Variants in FRY observed in about 807,000 individuals in gnomAD.
The protein encoded by FRY is FRY microtubule binding protein.
A neutral mutation model predicts 348.4 loss-of-function variants in FRY; 128 were observed. The observed-to-expected ratio is 0.37, with a 90% CI of 0.32 to 0.43. The LOEUF (loss-of-function observed/expected upper bound fraction) is 0.43. Ranked by LOEUF, FRY falls within the 20% of genes least tolerant of loss-of-function variation. The pLI, the probability that FRY is intolerant of heterozygous loss-of-function variation, is 1.00. For missense variants in FRY, 2,736 were observed against 3,695.2 expected (o/e 0.74, Z 6.73); for synonymous variants, 1,370 against 1,374.7 (o/e 1.00, Z 0.08).
At chr13:32,153,834 G>C (rs902668933) in intron 14 of FRY, among the ~76,000 whole-genome samples, 2 of 152,076 alleles carry the variant, frequency 1.3e-5, no homozygotes, top group Non-Finnish European at 2.9e-5. Context: ...TTTACAGAAA[G>C]GAAGCAGATA....
Position 32,210,983 on chromosome 13 carries a change from C to T in FRY, c.4540C>T (p.Pro1514Ser), listed in dbSNP as rs749769185. 1.1e-5 allele frequency: 18 copies of T among 1,613,896 alleles called. No individual in the cohort carries two copies. Among genetic ancestry groups the T allele is most frequent in the African/African-American group, 2.7e-5 (2 of 74,938 alleles). The change falls in exon 34 of 61, where the codon CCG (proline) becomes TCG (serine). Residue 1514 changes from proline to serine, a missense_variant. This residue lies in a region of FRY where 794 missense variants were observed against 977.0 expected (regional missense o/e 0.81). Transcript: ENST00000542859. The stretch of plus-strand genomic sequence containing the variant: ...CCCCATCGTCCAGCATTGTGACAAC[C>T]CGCCCTTCTACCGCTTCACGGCCAG... ...VNPIVQHCDN[P>S]PFYRFTASSK...
chr13:32,179,879 CTG>C, intron 23 of FRY, 80 bp downstream of exon 23: 1 of 1,409,100 alleles, frequency 7.1e-7, no homozygotes, highest in Non-Finnish European at 1.0e-6. Flanking sequence ...AGATTTGAGT[CTG>C]TGTGTTGGCG....
rs1177766181 is a variant in FRY, at chr13:32,295,866, T to A, written c.*406T>A. 5.5e-6 allele frequency: 1 copy of A among 182,172 alleles called. No individual in the cohort carries two copies. Among genetic ancestry groups the A allele is most frequent in the Non-Finnish European group, 1.2e-5 (1 of 86,060 alleles). The allele number at this position is 182,172 out of a possible 1,614,324, so 11.3% of individuals were successfully genotyped here. Reference sequence around the variant, plus strand: ...ATTTTATATTCTCAAACATGTATATTCTTTCCCTGTCTTGTTCCATTTTCT... The same window carrying A: ...ATTTTATATTCTCAAACATGTATATACTTTCCCTGTCTTGTTCCATTTTCT... On this transcript the variant is annotated 3_prime_UTR_variant, in exon 61 of 61. Coordinates refer to ENST00000542859, the MANE Select transcript of FRY (RefSeq NM_023037.3).
chr13:32,244,076 C>T lies in FRY; in HGVS notation c.6722C>T (p.Pro2241Leu). 6.2e-7 allele frequency: 1 copy of T among 1,613,924 alleles called. No homozygotes were observed. The highest frequency in any genetic ancestry group is 1.1e-5 in the South Asian group (1 of 91,078). Reference protein sequence around the residue: ...LEKGLPSVQQPLLQVIYSLLS... With the variant: ...LEKGLPSVQQLLLQVIYSLLS... ...AAGGGCCTCCCTAGTGTGCAGCAGCCCCTGCTCCAGGTGATCTACAGTCTT... is the reference window on the plus strand; with the variant it reads ...AAGGGCCTCCCTAGTGTGCAGCAGCTCCTGCTCCAGGTGATCTACAGTCTT... The change falls in exon 47 of 61, where the codon CCC becomes CTC. Residue 2241 changes from proline to leucine, a missense_variant. By Grantham distance (98) the Pro-to-Leu change is moderately conservative. Around this residue, in one of 9 missense-constraint regions of FRY, gnomAD observed 789 missense variants for 996.2 expected, o/e 0.79. Coordinates refer to ENST00000542859, the MANE Select transcript of FRY (RefSeq NM_023037.3).
intron 21 of FRY, 37 bp downstream of exon 21, chr13:32,178,473 T>A (rs771398639): frequency 2.2e-5 from 35 of 1,610,464 alleles, no homozygotes; most frequent in Non-Finnish European, 2.9e-5. Context: ...CCCTCTTGTT[T>A]TTCCATTTGC....
At chr13:32,193,649 G>A (rs1412101477) in intron 28 of FRY, among the ~76,000 whole-genome samples, 4 of 145,580 alleles carry the variant, frequency 2.7e-5, no homozygotes, top group East Asian at 2.0e-4. Context: ...GCAATGGCAC[G>A]ATCTCAGCTC....
intron 1 of FRY, among the ~76,000 whole-genome samples, chr13:32,059,281 G>A (rs1241879096): frequency 6.6e-6 from 1 of 151,924 alleles, no homozygotes; most frequent in Non-Finnish European, 1.5e-5. Context: ...GAGACTTGAG[G>A]ATGACAAAGT....
intron 54 of FRY, among the ~76,000 whole-genome samples, 188 bp downstream of exon 54, chr13:32,265,804 G>C (rs995948741): frequency 2.0e-5 from 3 of 152,134 alleles, no homozygotes; most frequent in Non-Finnish European, 2.9e-5. Flanking sequence ...GCCTCGTGTG[G>C]AACAAAGAAA....
intron 58 of FRY, among the ~76,000 whole-genome samples, chr13:32,284,630 A>C (rs1014682200): frequency 1.3e-5 from 2 of 152,254 alleles, no homozygotes; most frequent in Admixed American, 1.3e-4. Context: ...TAACAAAGAT[A>C]ATGCCATAGC....
At chr13:32,294,282 C>T (rs1304082387) in intron 59 of FRY, 86 bp from the exon 60 acceptor site, 3 of 882,444 alleles carry the variant, frequency 3.4e-6, no homozygotes, top group East Asian at 2.6e-5. Flanking sequence ...CTTAACCACA[C>T]CCATAAGATC....
intron 55 of FRY, among the ~76,000 whole-genome samples, chr13:32,274,540 T>TA (rs1217314140): frequency 6.6e-6 from 1 of 151,354 alleles, no homozygotes; most frequent in Non-Finnish European, 1.5e-5. Context: ...CCGTCTCTAC[T>TA]AAAAATACAA....
At chr13:32,061,295 C>A in intron 1 of FRY, 1 of 423,714 alleles carries the variant, frequency 2.4e-6, no homozygotes, top group Non-Finnish European at 4.9e-6. Flanking sequence ...CAGGGATTTA[C>A]TTATAATGCC....
At chr13:32,136,802 C>G in intron 10 of FRY, 69 bp from the exon 11 acceptor site, 1 of 927,458 alleles carries the variant, frequency 1.1e-6, no homozygotes, top group South Asian at 1.3e-5. Flanking sequence ...GTAGTGGGTA[C>G]AGAGAATGTA....
At chr13:32,198,479 T>C (rs1023689539) in intron 29 of FRY, among the ~76,000 whole-genome samples, 4 of 152,200 alleles carry the variant, frequency 2.6e-5, no homozygotes, top group African/African-American at 7.2e-5. Context: ...AAATGCACTA[T>C]CGTGGGCTGT....
intron 44 of FRY, among the ~76,000 whole-genome samples, chr13:32,238,434 TTTTTG>T (rs144806726): frequency 0.5 from 75,447 of 150,538 alleles, 20,528 homozygotes; most frequent in African/African-American, 0.73. Flanking sequence ...CATTTATGTC[TTTTTG>T]TTTTGTTTTG....
intron 29 of FRY, among the ~76,000 whole-genome samples, chr13:32,199,438 G>T (rs1397905226): frequency 1.3e-5 from 2 of 152,184 alleles, no homozygotes; most frequent in Non-Finnish European, 1.5e-5. Flanking sequence ...CAGACAGGTG[G>T]TGTAATCACA....
At chr13:32,111,388 C>T (rs1342356989) in intron 3 of FRY, among the ~76,000 whole-genome samples, 3 of 151,778 alleles carry the variant, frequency 2.0e-5, no homozygotes, top group African/African-American at 4.8e-5. Context: ...CCCACCTACT[C>T]GGGAGGCTGA....
intron 44 of FRY, among the ~76,000 whole-genome samples, chr13:32,238,936 A>C (rs1886362848): frequency 6.6e-6 from 1 of 152,198 alleles, no homozygotes; most frequent in African/African-American, 2.4e-5. Context: ...TTTTGATAAA[A>C]ATTTCAAACT....
In FRY at chr13:32,244,102, C is replaced by T; in HGVS notation, c.6748C>T (p.Leu2250Phe). The T allele has an allele frequency of 6.2e-7, 1 of 1,613,918 alleles. No individual in the cohort carries two copies. The highest frequency in any genetic ancestry group is 8.5e-7 in the Non-Finnish European group (1 of 1,179,796). The change falls in exon 47 of 61, where the codon CTC becomes TTC. Residue 2250 changes from leucine (L) to phenylalanine (F), a missense_variant. Physicochemically the swap from Leu to Phe is conservative, Grantham distance 22. Around this residue, in one of 9 missense-constraint regions of FRY, gnomAD observed 789 missense variants for 996.2 expected, o/e 0.79. Coordinates refer to ENST00000542859, the MANE Select transcript of FRY (RefSeq NM_023037.3). ...CCTGCTCCAGGTGATCTACAGTCTT[C>T]TCAGCTACATGGACCTTTCTGTCGT... is the stretch of plus-strand genomic sequence containing the variant. ...QPLLQVIYSL[L>F]SYMDLSVVPV...
Sources: gnomAD v4.1 joint callset for allele counts (sites outside exome capture counted in the v4.1 genomes callset) on GRCh38, gnomAD v4.1.1 for gene constraint, gnomAD v4.1.1 regional missense constraint, MANE v1.5 for transcripts, NCBI Gene and HGNC (gene_info 2026-07-23, HGNC 2026-07-21) for gene names.